Variants in SNTG2 observed in about 807,000 individuals in gnomAD.
SNTG2 encodes syntrophin gamma 2.
A neutral mutation model predicts 70.9 loss-of-function variants in SNTG2; 74 were observed. That is an observed-to-expected ratio of 1.04 (90% confidence interval 0.86 to 1.27). The LOEUF is 1.27. Among genes scored for constraint, SNTG2 ranks in the 50% most tolerant of loss-of-function variants. The pLI is 0.00. For synonymous variants in SNTG2, 278 were observed against 273.8 expected, an observed-to-expected ratio of 1.02 and a Z score of -0.15; for missense variants, 717 against 690.7, an observed-to-expected ratio of 1.04 and a Z score of -0.43.
At chr2:1,130,597 C>G (rs1667956889) in intron 4 of SNTG2, among the ~76,000 whole-genome samples, 1 of 152,174 alleles carries the variant, frequency 6.6e-6, no homozygotes, top group Non-Finnish European at 1.5e-5. Flanking sequence ...CATTTATTCC[C>G]TCTCCCCAAG....
At chr2:1,188,094 T>G (rs936788107) in intron 8 of SNTG2, among the ~76,000 whole-genome samples, 1 of 152,232 alleles carries the variant, frequency 6.6e-6, no homozygotes, top group Non-Finnish European at 1.5e-5. Flanking sequence ...GTGTCCAGTG[T>G]CTTAGGTTAA....
intron 6 of SNTG2, among the ~76,000 whole-genome samples, chr2:1,145,128 AT>A (rs948297734): frequency 4.2e-5 from 6 of 143,968 alleles, no homozygotes; most frequent in East Asian, 3.9e-4. Context: ...TGTCAAAATA[AT>A]TTTTTTTTCA....
At chr2:1,147,245 C>T (rs1049887701) in intron 6 of SNTG2, among the ~76,000 whole-genome samples, 1 of 152,102 alleles carries the variant, frequency 6.6e-6, no homozygotes, top group African/African-American at 2.4e-5. Context: ...TGAGTGTCAA[C>T]TTGATTGGAT....
At chr2:956,744 G>C (rs1475079919) in intron 1 of SNTG2, among the ~76,000 whole-genome samples, 3 of 152,260 alleles carry the variant, frequency 2.0e-5, no homozygotes, top group African/African-American at 7.2e-5. Context: ...GCTGACCCAT[G>C]TGTCAGTTGA....
At chr2:987,902 C>G (rs1033339480) in intron 1 of SNTG2, among the ~76,000 whole-genome samples, 1 of 152,194 alleles carries the variant, frequency 6.6e-6, no homozygotes, top group Non-Finnish European at 1.5e-5. Flanking sequence ...CGCTCCATTT[C>G]TGCCCGGCAG....
At chr2:1,064,457 T>A (rs909475035) in intron 1 of SNTG2, among the ~76,000 whole-genome samples, 2 of 150,858 alleles carry the variant, frequency 1.3e-5, no homozygotes, top group Non-Finnish European at 3.0e-5. Flanking sequence ...TGAAATATAA[T>A]TTTAAGTTTA....
At chr2:1,262,533 T>C (rs62108069) in intron 13 of SNTG2, among the ~76,000 whole-genome samples, 14,095 of 151,534 alleles carry the variant, frequency 0.093, 720 homozygotes, top group South Asian at 0.15. Context: ...GCAAATGCTC[T>C]AAAGATAGGG....
At chr2:1,223,306 T>G (rs1358802839) in intron 9 of SNTG2, among the ~76,000 whole-genome samples, 2 of 148,144 alleles carry the variant, frequency 1.4e-5, no homozygotes, top group African/African-American at 2.5e-5. Flanking sequence ...CTGCTGGAGG[T>G]GCTGGATCGC....
intron 16 of SNTG2, among the ~76,000 whole-genome samples, chr2:1,318,821 G>T (rs997736141): frequency 1.3e-5 from 2 of 152,172 alleles, no homozygotes; most frequent in Non-Finnish European, 1.5e-5. Context: ...ATCTTGTGGA[G>T]CTCTGAGTCT....
intron 6 of SNTG2, chr2:1,160,372 A>T (rs1290944733): frequency 1.3e-5 from 2 of 152,196 alleles, no homozygotes; most frequent in Non-Finnish European, 2.9e-5. Flanking sequence ...TTGATTGCAT[A>T]TGTTGTATTA....
At chr2:1,031,528 A>ATATATATATATATATATATATTTTTT in intron 1 of SNTG2, among the ~76,000 whole-genome samples, 67 of 59,022 alleles carry the variant, frequency 1.1e-3, no homozygotes, top group Non-Finnish European at 1.7e-3. Flanking sequence ...ATATATATAT[A>ATATATATATATATATATATATTTTTT]TTTTTTTTTT....
At chr2:1,025,671 A>G (rs903227158) in intron 1 of SNTG2, among the ~76,000 whole-genome samples, 4 of 152,014 alleles carry the variant, frequency 2.6e-5, no homozygotes, top group African/African-American at 9.7e-5. Context: ...TCCAAATCTC[A>G]CTGTGACCCT....
chr2:1,157,547 T>G (rs928927255), intron 6 of SNTG2, among the ~76,000 whole-genome samples: 1 of 152,234 alleles, frequency 6.6e-6, no homozygotes, highest in Admixed American at 6.5e-5. Context: ...AGGTTCCTTA[T>G]GTATAACAGA....
chr2:1,367,540 A>G lies in SNTG2; in HGVS notation c.*66A>G. ...GTAAGAAATGATTCTTTCCTGCAGA[A>G]TATTGCAACTTTGTGTTGTTTTATG... On this transcript the variant is annotated 3_prime_UTR_variant, in exon 17 of 17. Transcript: ENST00000308624. The G allele has an allele frequency of 6.6e-7, 1 of 1,517,832 alleles. No homozygotes were observed. The highest frequency in any genetic ancestry group is 8.9e-7 in the Non-Finnish European group (1 of 1,125,212). The allele number at this position is 1,517,832 out of a possible 1,614,324, so 94.0% of individuals were successfully genotyped here.
chr2:975,258 C>G (rs939249496), intron 1 of SNTG2, among the ~76,000 whole-genome samples: 3 of 151,950 alleles, frequency 2.0e-5, no homozygotes, highest in Non-Finnish European at 2.9e-5. Context: ...TGCTTGCACT[C>G]ACACCCATGA....
At chr2:1,251,733 C>A (rs569251847) in intron 12 of SNTG2, among the ~76,000 whole-genome samples, 1 of 148,546 alleles carries the variant, frequency 6.7e-6, no homozygotes, top group Non-Finnish European at 1.5e-5. Context: ...GACACACACC[C>A]CCCACAGGCA....
chr2:1,332,140 T>C (rs1485416054), intron 16 of SNTG2, among the ~76,000 whole-genome samples: 2 of 152,234 alleles, frequency 1.3e-5, no homozygotes, highest in Non-Finnish European at 2.9e-5. Flanking sequence ...GGTAAACATA[T>C]GTCAAAAATT....
At chr2:1,304,856 A>G (rs1008663864) in intron 14 of SNTG2, among the ~76,000 whole-genome samples, 1 of 151,752 alleles carries the variant, frequency 6.6e-6, no homozygotes, top group Non-Finnish European at 1.5e-5. Context: ...GCTCTGTGCT[A>G]TTGCTCTTGG....
chr2:1,267,403 G>T lies in SNTG2; in HGVS notation c.1116G>T (p.Leu372Phe). 5 of 1,610,004 alleles carry T rather than the reference G, an allele frequency of 3.1e-6. No individual in the cohort carries two copies. Among genetic ancestry groups the T allele is most frequent in the Non-Finnish European group, 4.2e-6 (5 of 1,178,044 alleles). ...AGGACTGCTGGTTGCAAGCAAACTT[G>T]TATCTGGGTCTTCAAGATTTTGACT... ...LTEDCWLQAN[L>F]YLGLQDFDFE... The change falls in exon 14 of 17, where the codon TTG becomes TTT. Residue 372 changes from leucine (L) to phenylalanine (F), a missense_variant. Coordinates refer to ENST00000308624, the MANE Select transcript of SNTG2 (RefSeq NM_018968.4).
Sources: gnomAD v4.1 joint callset for allele counts (sites outside exome capture counted in the v4.1 genomes callset) on GRCh38, gnomAD v4.1.1 for gene constraint, MANE v1.5 for transcripts, NCBI Gene and HGNC (gene_info 2026-07-23, HGNC 2026-07-21) for gene names.